The following PARD3 variants were observed in gnomAD, a reference collection of about 807,000 sequenced individuals.
PARD3 encodes partitioning defective 3 homolog.
Under a neutral mutation model 155.4 loss-of-function variants are expected in PARD3, and 75 were observed. That is an observed-to-expected ratio of 0.48 (90% CI 0.40 to 0.58). The LOEUF (loss-of-function observed/expected upper bound fraction) is 0.58, where lower values mean the gene tolerates loss of function less well. PARD3 is among the 20% of genes least tolerant of loss of function. The pLI is 0.00. For missense variants in PARD3, 1,642 were observed against 1,721.7 expected (o/e 0.95, Z 0.82); for synonymous variants, 576 against 610.5 (o/e 0.94, Z 0.83).
chr10:34,780,099 CTGT>C (rs1840070763), intron 1 of PARD3, among the ~76,000 whole-genome samples: 1 of 152,232 alleles, frequency 6.6e-6, no homozygotes, highest in African/African-American at 2.4e-5. Flanking sequence ...ATGGAAACTA[CTGT>C]GAAGTCCATT....
At chr10:34,477,130 T>C (rs1382606835) in intron 3 of PARD3, among the ~76,000 whole-genome samples, 1 of 152,220 alleles carries the variant, frequency 6.6e-6, no homozygotes, top group Non-Finnish European at 1.5e-5. Context: ...TTATTAATAA[T>C]CTGATGTAAT....
chr10:34,525,745 T>C (rs184403267), intron 2 of PARD3, among the ~76,000 whole-genome samples: 12 of 152,216 alleles, frequency 7.9e-5, no homozygotes, highest in Admixed American at 6.5e-4. Flanking sequence ...GATTTTTTTT[T>C]TCTAAGAGGC....
chr10:34,737,844 T>C (rs1402417453), intron 1 of PARD3, among the ~76,000 whole-genome samples: 1 of 152,152 alleles, frequency 6.6e-6, no homozygotes, highest in Non-Finnish European at 1.5e-5. Context: ...CAAACCAGCA[T>C]GAAACATCTA....
intron 20 of PARD3, among the ~76,000 whole-genome samples, chr10:34,291,597 G>A (rs1021925482): frequency 1.3e-4 from 20 of 152,190 alleles, no homozygotes; most frequent in African/African-American, 4.3e-4. Context: ...GGGCTTGAAG[G>A]ATTTGTTAGG....
intron 15 of PARD3, 89 bp downstream of exon 15, chr10:34,347,876 T>C: frequency 1.1e-6 from 1 of 917,044 alleles, no homozygotes; most frequent in South Asian, 2.4e-5. Flanking sequence ...ATTACACTAA[T>C]AGTACATTAA....
At chr10:34,251,736 T>C (rs1954321333) in intron 22 of PARD3, among the ~76,000 whole-genome samples, 1 of 152,226 alleles carries the variant, frequency 6.6e-6, no homozygotes, top group South Asian at 2.1e-4. Flanking sequence ...AAAGGGACTT[T>C]AACACTTAAA....
chr10:34,735,765 G>A (rs1410584005), intron 1 of PARD3, among the ~76,000 whole-genome samples: 1 of 152,112 alleles, frequency 6.6e-6, no homozygotes, highest in African/African-American at 2.4e-5. Context: ...TTTAAAGTAA[G>A]TGGCGGATAT....
chr10:34,648,128 A>T (rs1333739834), intron 2 of PARD3, among the ~76,000 whole-genome samples: 1 of 152,210 alleles, frequency 6.6e-6, no homozygotes, highest in Non-Finnish European at 1.5e-5. Context: ...ACTGCATTTG[A>T]TTTATACAAA....
intron 4 of PARD3, among the ~76,000 whole-genome samples, chr10:34,468,820 G>A (rs1191151316): frequency 6.6e-6 from 1 of 151,996 alleles, no homozygotes; most frequent in Non-Finnish European, 1.5e-5. Context: ...AACCAAAGTT[G>A]AAAGAAATAT....
intron 3 of PARD3, among the ~76,000 whole-genome samples, chr10:34,476,434 C>T (rs1291593647): frequency 6.6e-6 from 1 of 152,026 alleles, no homozygotes; most frequent in African/African-American, 2.4e-5. Flanking sequence ...AACACAAAAT[C>T]GCGTTTCATA....
At chr10:34,777,574 G>T (rs1839743459) in intron 1 of PARD3, among the ~76,000 whole-genome samples, 1 of 152,126 alleles carries the variant, frequency 6.6e-6, no homozygotes, top group Non-Finnish European at 1.5e-5. Flanking sequence ...GTCTCACTCT[G>T]TCACCCAGGC....
At chr10:34,714,599 G>A (rs972560923) in intron 1 of PARD3, among the ~76,000 whole-genome samples, 1 of 152,058 alleles carries the variant, frequency 6.6e-6, no homozygotes, top group African/African-American at 2.4e-5. Context: ...TGTTCCCAAT[G>A]TCTCCTCAGG....
rs763789372 is a variant in PARD3, at chr10:34,382,848, T to C, written c.1091A>G (p.Glu364Gly). The C allele has an allele frequency of 2.5e-6, 4 of 1,614,186 alleles. No homozygotes were observed. In the Admixed American group the frequency reaches 6.7e-5, roughly 27 times the overall value. The change falls in exon 9 of 25, where the codon GAG becomes GGG. Residue 364 changes from glutamate to glycine, a missense_variant. Physicochemically the swap from Glu to Gly is moderately conservative, Grantham distance 98. Transcript: ENST00000374788. Reference protein sequence around the residue: ...WFHVVPAANKEQYEQLSQSEK... With the variant: ...WFHVVPAANKGQYEQLSQSEK... ...ACTTTGGGATAGTTGTTCATACTGCTCTTTATTTGCTGCAGGAACCACATG... is the reference window on the plus strand; with the variant it reads ...ACTTTGGGATAGTTGTTCATACTGCCCTTTATTTGCTGCAGGAACCACATG...
In PARD3 at chr10:34,406,287, C is replaced by T. The variant is rs987778758; in HGVS notation, c.715-4370G>A. ...ATGAAAGATAAAAGAAATTTTGAGA[C>T]TTGCAAAGAGATCTTTATCTCCTTC... is the stretch of plus-strand genomic sequence containing the variant. On this transcript the variant is annotated intron_variant, in intron 5 of 24. Transcript: ENST00000374788. Among the ~76,000 whole-genome samples, 3 of 152,178 alleles carry T rather than the reference C, an allele frequency of 2.0e-5. 1 individual carries two copies. The South Asian group carries it at 6.2e-4, about 31-fold the overall frequency.
intron 22 of PARD3, among the ~76,000 whole-genome samples, chr10:34,156,976 A>G (rs572231791): frequency 6.6e-6 from 1 of 152,346 alleles, no homozygotes; most frequent in African/African-American, 2.4e-5. Flanking sequence ...GCCCTTGAGT[A>G]GGAATGCAAC....
chr10:34,585,513 T>G (rs1207801283), intron 2 of PARD3, among the ~76,000 whole-genome samples: 1 of 151,162 alleles, frequency 6.6e-6, no homozygotes, highest in Non-Finnish European at 1.5e-5. Flanking sequence ...GGCTCACCAC[T>G]TTTTCTAATT....
At chr10:34,777,127 A>C (rs1839687041) in intron 1 of PARD3, among the ~76,000 whole-genome samples, 1 of 151,200 alleles carries the variant, frequency 6.6e-6, no homozygotes, top group African/African-American at 2.4e-5. Context: ...CTGGGACTAC[A>C]GGCGTGAGCC....
At chr10:34,522,207 G>A (rs2082190352) in intron 2 of PARD3, among the ~76,000 whole-genome samples, 1 of 152,192 alleles carries the variant, frequency 6.6e-6, no homozygotes, top group South Asian at 2.1e-4. Context: ...CGGCCAGAGA[G>A]AAACGTGATG....
chr10:34,520,582 G>A (rs936074238), intron 2 of PARD3, among the ~76,000 whole-genome samples: 1 of 152,072 alleles, frequency 6.6e-6, no homozygotes, highest in African/African-American at 2.4e-5. Context: ...AAACTTTCTC[G>A]AAAAGAATAA....
Sources: allele counts gnomAD v4.1 joint callset (sites outside exome capture counted in the v4.1 genomes callset), GRCh38; gene constraint gnomAD v4.1.1; transcripts MANE v1.5; gene names NCBI Gene and HGNC (gene_info 2026-07-23, HGNC 2026-07-21).